Variants in ABCA13 observed in about 807,000 individuals in gnomAD.
ABCA13 encodes ATP binding cassette subfamily A member 13.
A neutral mutation model predicts 478.7 loss-of-function variants in ABCA13; 476 were observed. The ratio of observed to expected loss-of-function variants is 0.99; its 90% CI spans 0.92 to 1.07. The LOEUF is 1.07. Ranked by LOEUF, ABCA13 falls within the 50% of genes least tolerant of loss-of-function variation. The pLI is 0.00. For synonymous variants in ABCA13, 2,252 were observed against 2,158.9 expected (o/e 1.04, Z -1.20); for missense variants, 6,060 against 5,910.6 (o/e 1.03, Z -0.83).
intron 53 of ABCA13, among the ~76,000 whole-genome samples, chr7:48,522,453 T>A (rs1041512385): frequency 1.3e-5 from 2 of 152,180 alleles, no homozygotes; most frequent in African/African-American, 4.8e-5. Context: ...TTGCTGTCTG[T>A]ACCCTAGGTG....
chr7:48,639,359 G>T (rs1462625474), intron 59 of ABCA13, among the ~76,000 whole-genome samples: 1 of 152,226 alleles, frequency 6.6e-6, no homozygotes, highest in Non-Finnish European at 1.5e-5. Context: ...ACTGGAATTT[G>T]GTACTTTGTT....
chr7:48,379,874 G>A (rs1205779572), intron 35 of ABCA13, among the ~76,000 whole-genome samples: 1 of 152,100 alleles, frequency 6.6e-6, no homozygotes, highest in African/African-American at 2.4e-5. Flanking sequence ...TTAACACATG[G>A]GGCAGGTAAT....
Position 48,234,069 on chromosome 7 carries a change from TCCAGTATGATCTCAAATC to T in ABCA13, c.821_838del (p.Tyr274_Gln279del), listed in dbSNP as rs755813741. On this transcript the variant is annotated inframe_deletion, in exon 8 of 62. Transcript: ENST00000435803. The stretch of plus-strand genomic sequence containing the variant: ...AATATAGTGTGGGATCCACAGAAAG[TCCAGTATGATCTCAAATC>T]CCAGTTTGGCTTTGATGATCTTCAC... 6.2e-7 allele frequency: 1 copy of T among 1,614,002 alleles called. No individual in the cohort carries two copies. Among genetic ancestry groups the T allele is most frequent in the Non-Finnish European group, 8.5e-7 (1 of 1,179,900 alleles).
chr7:48,301,327 C>T (rs1373550557), intron 23 of ABCA13, among the ~76,000 whole-genome samples: 2 of 152,096 alleles, frequency 1.3e-5, no homozygotes, highest in African/African-American at 4.8e-5. Context: ...GTCCTGGGGG[C>T]TGGTTCTGTC....
chr7:48,637,468 A>T (rs545638411), intron 59 of ABCA13, among the ~76,000 whole-genome samples: 31 of 150,148 alleles, frequency 2.1e-4, no homozygotes, highest in Non-Finnish European at 2.2e-4. Flanking sequence ...TGGCCTCTCA[A>T]GGTGACTGGT....
At chr7:48,607,396 G>C (rs1411776579) in intron 58 of ABCA13, among the ~76,000 whole-genome samples, 1 of 142,342 alleles carries the variant, frequency 7.0e-6, no homozygotes, top group Non-Finnish European at 1.5e-5. Context: ...CAGTCTCAAT[G>C]AGATGAACCG....
intron 37 of ABCA13, 132 bp downstream of exon 37, chr7:48,389,352 C>A: frequency 9.6e-7 from 1 of 1,043,698 alleles, no homozygotes; most frequent in Non-Finnish European, 1.4e-6. Flanking sequence ...TTTAGAGACA[C>A]GGGTGAAAGG....
intron 8 of ABCA13, 140 bp from the exon 9 acceptor site, chr7:48,239,097 AAATC>A (rs1373971281): frequency 1.2e-6 from 1 of 814,696 alleles, no homozygotes; most frequent in Admixed American, 2.9e-5. Context: ...CCCTCAAGGT[AAATC>A]ACATAGATAT....
Position 48,278,163 on chromosome 7 carries a change from C to T in ABCA13, c.6969C>T (p.Asp2323=), listed in dbSNP as rs371354233. The change falls in exon 18 of 62, where the codon GAC becomes GAT. Residue 2323 remains aspartate, a synonymous_variant. Transcript: ENST00000435803. ...LDQFLTLMIQ[D]RLMNIFSSLK... Reference sequence around the variant, plus strand: ...AATTTCTTACCCTGATGATACAAGACAGATTGATGAACATTTTTTCAAGTT... The same window carrying T: ...AATTTCTTACCCTGATGATACAAGATAGATTGATGAACATTTTTTCAAGTT... 1 of 1,546,348 alleles carries T rather than the reference C, an allele frequency of 6.5e-7. No homozygotes were observed. The highest frequency in any genetic ancestry group is 1.4e-5 in the African/African-American group (1 of 72,388).
Position 48,410,621 on chromosome 7 carries a change from C to G in ABCA13, c.12172C>G (p.Pro4058Ala). 1 of 1,614,042 alleles carries G rather than the reference C, an allele frequency of 6.2e-7. No homozygotes were observed. The highest frequency in any genetic ancestry group is 8.5e-7 in the Non-Finnish European group (1 of 1,179,884). ...TGGGAGGCTCAGGTGCTGCGGTCCT[C>G]CCTTCTGCCTGAAGGAGGCATATGG... is the stretch of plus-strand genomic sequence containing the variant. Reference protein sequence around the residue: ...QHGRLRCCGPPFCLKEAYGQG... With the variant: ...QHGRLRCCGPAFCLKEAYGQG... The change falls in exon 40 of 62, where the codon CCC (proline) becomes GCC (alanine). Residue 4058 changes from proline (P) to alanine (A), a missense_variant. Physicochemically the swap from Pro to Ala is conservative, Grantham distance 27. This residue lies in a region of ABCA13 where 1,627 missense variants were observed against 1,571.0 expected (regional missense o/e 1.04). Coordinates refer to ENST00000435803, the MANE Select transcript of ABCA13 (RefSeq NM_152701.5).
At chr7:48,315,417 T>A (rs1802429519) in intron 26 of ABCA13, among the ~76,000 whole-genome samples, 1 of 152,210 alleles carries the variant, frequency 6.6e-6, no homozygotes, top group African/African-American at 2.4e-5. Context: ...AAAGAGTAGG[T>A]CATTAAATTT....
At chr7:48,397,010 C>G (rs925465101) in intron 38 of ABCA13, among the ~76,000 whole-genome samples, 11 of 152,314 alleles carry the variant, frequency 7.2e-5, no homozygotes, top group South Asian at 2.1e-4. Context: ...AGGCTTTTCT[C>G]TTTTCATAGT....
chr7:48,524,544 A>G, intron 54 of ABCA13, 104 bp downstream of exon 54: 1 of 1,064,328 alleles, frequency 9.4e-7, no homozygotes, highest in African/African-American at 1.7e-5. Context: ...CAGAGCCAAA[A>G]ATAGCCTTCA....
intron 42 of ABCA13, among the ~76,000 whole-genome samples, chr7:48,441,448 T>C (rs1356067063): frequency 6.6e-6 from 1 of 152,190 alleles, no homozygotes; most frequent in African/African-American, 2.4e-5. Context: ...TCAGAAATAG[T>C]TTTTTAAGGG....
intron 27 of ABCA13, among the ~76,000 whole-genome samples, chr7:48,318,646 G>A (rs1802941792): frequency 6.6e-6 from 1 of 151,556 alleles, no homozygotes. Context: ...TATCCTCAGT[G>A]TGAGCTGTTC....
At chr7:48,374,304 C>G (rs907795512) in intron 33 of ABCA13, 43 bp from the exon 34 acceptor site, 9 of 1,562,344 alleles carry the variant, frequency 5.8e-6, no homozygotes, top group African/African-American at 1.4e-5. Context: ...TGGTCCCAAT[C>G]AAAACACTAA....
chr7:48,509,908 A>G (rs2130892429), intron 50 of ABCA13, among the ~76,000 whole-genome samples: 1 of 152,336 alleles, frequency 6.6e-6, no homozygotes, highest in African/African-American at 2.4e-5. Flanking sequence ...GGACACAGTG[A>G]GAAGTCACAG....
intron 55 of ABCA13, among the ~76,000 whole-genome samples, chr7:48,559,937 G>A (rs1372481930): frequency 6.6e-6 from 1 of 152,158 alleles, no homozygotes; most frequent in Non-Finnish European, 1.5e-5. Flanking sequence ...TCTAACAGAA[G>A]GAAGGAGTCA....
chr7:48,222,557 T>C (rs1347066032), intron 5 of ABCA13, among the ~76,000 whole-genome samples: 4 of 152,176 alleles, frequency 2.6e-5, no homozygotes, highest in Non-Finnish European at 5.9e-5. Flanking sequence ...TTGACCTTGA[T>C]GGCCTTCTTA....
Sources: gnomAD v4.1 joint callset for allele counts (sites outside exome capture counted in the v4.1 genomes callset) on GRCh38, gnomAD v4.1.1 for gene constraint, gnomAD v4.1.1 regional missense constraint, MANE v1.5 for transcripts, NCBI Gene and HGNC (gene_info 2026-07-23, HGNC 2026-07-21) for gene names.